Variants in TTC27 observed in about 807,000 individuals in gnomAD.
The protein encoded by TTC27 is tetratricopeptide repeat domain 27, also known as tetratricopeptide repeat protein 27.
In TTC27, 79 loss-of-function variants were observed where a neutral mutation model predicts 115.9. The ratio of observed to expected loss-of-function variants is 0.68; its 90% CI spans 0.57 to 0.82. The LOEUF (loss-of-function observed/expected upper bound fraction) is 0.82. Among genes scored for constraint, TTC27 ranks in the 40% least tolerant of loss-of-function variants. TTC27 has a pLI of 0.00. For missense variants in TTC27, 1,054 were observed against 993.1 expected, an observed-to-expected ratio of 1.06 and a Z score of -0.82; for synonymous variants, 401 against 356.0, an observed-to-expected ratio of 1.13 and a Z score of -1.42.
chr2:32,767,938 A>T (rs1277620837), intron 13 of TTC27, among the ~76,000 whole-genome samples: 1 of 152,240 alleles, frequency 6.6e-6, no homozygotes, highest in Non-Finnish European at 1.5e-5. Context: ...GTAAACAATG[A>T]ATCTGACAAT....
intron 4 of TTC27, among the ~76,000 whole-genome samples, chr2:32,643,422 C>T (rs1487168269): frequency 1.3e-5 from 2 of 152,100 alleles, no homozygotes; most frequent in Admixed American, 1.3e-4. Flanking sequence ...TCTCCTGCCT[C>T]AGCCTCCCTA....
At chr2:32,713,662 T>A (rs1667657946) in intron 10 of TTC27, among the ~76,000 whole-genome samples, 1 of 152,224 alleles carries the variant, frequency 6.6e-6, no homozygotes, top group African/African-American at 2.4e-5. Flanking sequence ...ATTGCAGTTT[T>A]CTGTCCCTGA....
At position 32,704,159 on chromosome 2, in the gene TTC27, G is replaced by A. The variant is rs545393623; in HGVS notation, c.1233+1239G>A. On this transcript the variant is annotated intron_variant, in intron 10 of 19. Transcript: ENST00000317907. ...CATATATATTTTGGAGGACACATTC[G>A]GACTATAGTAATTAATGAAAGTGAT... Among the ~76,000 whole-genome samples the A allele has an allele frequency of 1.9e-3, 289 of 152,094 alleles. 1 individual carries two copies. Among genetic ancestry groups the A allele is most frequent in the Non-Finnish European group, 3.4e-3 (232 of 67,954 alleles).
Position 32,662,105 on chromosome 2 carries a change from T to G in TTC27, c.641-2198T>G, listed in dbSNP as rs539477214. Among the ~76,000 whole-genome samples the G allele has an allele frequency of 7.9e-5, 12 of 152,292 alleles. No homozygotes were observed. The South Asian group carries it at 2.5e-3, about 32-fold the overall frequency. ...CATATGTTGAACCAGCCTTGCATCC[T>G]GGGGATGAAGCCAACTTCATTGTGG... On this transcript the variant is annotated intron_variant, in intron 5 of 19. Coordinates refer to ENST00000317907, the MANE Select transcript of TTC27 (RefSeq NM_017735.5).
chr2:32,636,263 G>C (rs928458982), intron 3 of TTC27, among the ~76,000 whole-genome samples: 1 of 152,140 alleles, frequency 6.6e-6, no homozygotes, highest in Non-Finnish European at 1.5e-5. Context: ...GCCCAGGCTG[G>C]AGTGCAGTGG....
chr2:32,633,160 G>A (rs1664278267), intron 2 of TTC27, among the ~76,000 whole-genome samples: 1 of 151,930 alleles, frequency 6.6e-6, no homozygotes, highest in African/African-American at 2.4e-5. Context: ...GCTGTTAAAG[G>A]GAGTGCAAGA....
intron 9 of TTC27, among the ~76,000 whole-genome samples, chr2:32,692,036 G>GTTTTTTTTTTTGTTTTTTTTTTTTTTTT (rs1666831349): frequency 1.6e-5 from 1 of 61,188 alleles, no homozygotes; most frequent in Non-Finnish European, 2.9e-5. Context: ...AATTTTTTAG[G>GTTTTTTTTTTTGTTTTTTTTTTTTTTTT]TTTTTTTTTT....
chr2:32,799,805 A>T (rs1319609096), intron 16 of TTC27, among the ~76,000 whole-genome samples: 1 of 152,238 alleles, frequency 6.6e-6, no homozygotes, highest in South Asian at 2.1e-4. Flanking sequence ...ATGGCATTTT[A>T]AATCTGTGGG....
intron 12 of TTC27, among the ~76,000 whole-genome samples, chr2:32,752,579 A>T (rs946367710): frequency 2.0e-5 from 3 of 152,184 alleles, no homozygotes; most frequent in African/African-American, 7.2e-5. Flanking sequence ...CATGGTTAGA[A>T]TCTCTTTTAC....
At chr2:32,772,917 A>G (rs940920264) in intron 13 of TTC27, among the ~76,000 whole-genome samples, 3 of 152,084 alleles carry the variant, frequency 2.0e-5, no homozygotes, top group African/African-American at 4.8e-5. Context: ...ACACTTGGGG[A>G]ACTGAGACTC....
At chr2:32,681,648 G>GA (rs1259118085) in intron 9 of TTC27, among the ~76,000 whole-genome samples, 19 of 92,954 alleles carry the variant, frequency 2.0e-4, no homozygotes, top group Non-Finnish European at 3.4e-4. Flanking sequence ...GAGATATTCA[G>GA]CTTTTTTTTT....
At position 32,630,651 on chromosome 2, in the gene TTC27, C is replaced by T; in HGVS notation, c.217C>T (p.Gln73Ter). 6.2e-7 allele frequency: 1 copy of T among 1,613,338 alleles called. No homozygotes were observed. Among genetic ancestry groups the T allele is most frequent in the Non-Finnish European group, 8.5e-7 (1 of 1,179,806 alleles). The change falls in exon 2 of 20, where the codon CAG (glutamine) becomes TAG (stop). Residue 73 changes from glutamine (Q) to a stop codon, truncating the protein, a stop_gained. Coordinates refer to ENST00000317907, the MANE Select transcript of TTC27 (RefSeq NM_017735.5). LOFTEE classifies it high-confidence loss of function. The part of the protein sequence containing the change: ...EEKIDSYLEK[Q>*]VVTFLDYSTD... ...AAAGATTGATAGCTACCTGGAGAAGCAGGTAGTAACATTCCTGGATTACTC... is the reference window on the plus strand; with the variant it reads ...AAAGATTGATAGCTACCTGGAGAAGTAGGTAGTAACATTCCTGGATTACTC...
intron 9 of TTC27, among the ~76,000 whole-genome samples, chr2:32,692,488 G>A (rs1238162168): frequency 6.6e-6 from 1 of 152,044 alleles, no homozygotes; most frequent in Non-Finnish European, 1.5e-5. Flanking sequence ...CTGGAGACTG[G>A]TTGTACAACA....
At chr2:32,689,059 C>T (rs1348704174) in intron 9 of TTC27, among the ~76,000 whole-genome samples, 1 of 152,062 alleles carries the variant, frequency 6.6e-6, no homozygotes, top group African/African-American at 2.4e-5. Context: ...ATAAATGCAA[C>T]AGCATGGATG....
chr2:32,628,346 G>T lies in TTC27; in HGVS notation c.54G>T (p.Arg18=). Residue 18 remains arginine, a synonymous_variant, in exon 1 of 20, where the codon CGG becomes CGT. Transcript: ENST00000317907. The stretch of plus-strand genomic sequence containing the variant: ...GGGGATTCCCCACTGAGGCTGAGCG[G>T]CAGCAATGGAAACAGGAGGGGGTCG... ...ILRGFPTEAE[R]QQWKQEGVVG... The T allele has an allele frequency of 6.2e-7, 1 of 1,607,524 alleles. No individual in the cohort carries two copies. Among genetic ancestry groups the T allele is most frequent in the South Asian group, 1.1e-5 (1 of 89,164 alleles).
intron 3 of TTC27, among the ~76,000 whole-genome samples, chr2:32,637,972 C>A (rs1470983250): frequency 1.3e-5 from 2 of 152,208 alleles, no homozygotes; most frequent in African/African-American, 4.8e-5. Flanking sequence ...GTCATCCTGG[C>A]CATGTCCTTG....
chr2:32,798,050 A>G (rs1377692597), intron 16 of TTC27, among the ~76,000 whole-genome samples: 1 of 151,990 alleles, frequency 6.6e-6, no homozygotes, highest in African/African-American at 2.4e-5. Flanking sequence ...GGAAATGCAA[A>G]TCAAATGAGA....
intron 4 of TTC27, among the ~76,000 whole-genome samples, chr2:32,646,624 C>T (rs1235356150): frequency 3.0e-5 from 4 of 132,662 alleles, no homozygotes; most frequent in African/African-American, 1.1e-4. Context: ...AGTGCAGTGG[C>T]GCGATCTCTG....
chr2:32,751,581 C>T (rs1669020125), intron 12 of TTC27, among the ~76,000 whole-genome samples: 1 of 152,124 alleles, frequency 6.6e-6, no homozygotes, highest in Non-Finnish European at 1.5e-5. Context: ...ATGGGATGGA[C>T]AGACTTTCAT....
Sources: allele counts gnomAD v4.1 joint callset (sites outside exome capture counted in the v4.1 genomes callset), GRCh38; gene constraint gnomAD v4.1.1; transcripts MANE v1.5; gene names NCBI Gene and HGNC (gene_info 2026-07-23, HGNC 2026-07-21).